Variants in KIAA1217 observed in about 807,000 individuals in gnomAD.
KIAA1217 encodes sickle tail protein homolog.
A neutral mutation model predicts 163.9 loss-of-function variants in KIAA1217; 88 were observed. The ratio of observed to expected loss-of-function variants is 0.54; its 90% CI spans 0.45 to 0.64. The LOEUF (loss-of-function observed/expected upper bound fraction) is 0.64. Ranked by LOEUF, KIAA1217 falls within the 30% of genes least tolerant of loss-of-function variation. The probability of loss-of-function intolerance (pLI) is 0.00; values close to 1 mark genes in which losing one functional copy is unlikely to be tolerated. For missense variants in KIAA1217, 2,372 were observed against 2,475.0 expected (o/e 0.96, Z 0.88); for synonymous variants, 903 against 923.1 (o/e 0.98, Z 0.39).
At chr10:24,244,542 T>C (rs2131358203) in intron 2 of KIAA1217, among the ~76,000 whole-genome samples, 1 of 150,418 alleles carries the variant, frequency 6.6e-6, no homozygotes, top group South Asian at 2.1e-4. Context: ...TTAATTGGGC[T>C]TCCCTCTTTT....
At chr10:24,034,436 G>A (rs1012256635) in intron 2 of KIAA1217, among the ~76,000 whole-genome samples, 1 of 151,880 alleles carries the variant, frequency 6.6e-6, no homozygotes, top group Admixed American at 6.6e-5. Flanking sequence ...GGTGGCACAT[G>A]CCTGTGGTCC....
intron 3 of KIAA1217, among the ~76,000 whole-genome samples, chr10:24,431,836 C>A (rs917739137): frequency 6.6e-6 from 1 of 152,138 alleles, no homozygotes; most frequent in Non-Finnish European, 1.5e-5. Context: ...GCCCACATAC[C>A]CCCTGGGAAC....
Position 23,988,030 on chromosome 10 carries a change from G to GT in KIAA1217, c.-320-19188dup, listed in dbSNP as rs1473467409. On this transcript the variant is annotated intron_variant, in intron 1 of 18. Transcript: ENST00000376462. ...ATTTAAACTGTGAATATTTAAAAGT[G>GT]TTTTTTTATTTTTATTTTTTTTTAA... Among the ~76,000 whole-genome samples, 4 of 150,250 alleles carry GT rather than the reference G, an allele frequency of 2.7e-5. No individual in the cohort carries two copies. In the South Asian group the frequency reaches 6.4e-4, roughly 24 times the overall value.
chr10:23,739,775 T>G (rs951226714), intron 1 of KIAA1217, among the ~76,000 whole-genome samples: 2 of 152,204 alleles, frequency 1.3e-5, no homozygotes, highest in Non-Finnish European at 2.9e-5. Context: ...TGAGAGATCC[T>G]GTGGATCTCA....
chr10:24,177,859 C>G (rs1194366754), intron 2 of KIAA1217, among the ~76,000 whole-genome samples: 1 of 152,062 alleles, frequency 6.6e-6, no homozygotes, highest in East Asian at 1.9e-4. Flanking sequence ...AAAGTGATAC[C>G]ATATGTTGGT....
chr10:24,104,329 A>C (rs2062537244), intron 2 of KIAA1217, among the ~76,000 whole-genome samples: 1 of 152,232 alleles, frequency 6.6e-6, no homozygotes, highest in African/African-American at 2.4e-5. Flanking sequence ...ACCATCACTC[A>C]GCACTAAAAA....
At chr10:23,767,330 T>C (rs1268692130) in intron 1 of KIAA1217, among the ~76,000 whole-genome samples, 3 of 152,122 alleles carry the variant, frequency 2.0e-5, no homozygotes, top group Non-Finnish European at 4.4e-5. Context: ...GATATCAATG[T>C]GGAGAAAGAA....
intron 2 of KIAA1217, among the ~76,000 whole-genome samples, chr10:24,310,213 C>T (rs180930869): frequency 2.6e-5 from 4 of 152,324 alleles, no homozygotes; most frequent in African/African-American, 4.8e-5. Context: ...ACAGGAAGAA[C>T]GGCCACTAGC....
chr10:23,787,365 G>A (rs148177959), intron 1 of KIAA1217, among the ~76,000 whole-genome samples: 157 of 152,170 alleles, frequency 1.0e-3, no homozygotes, highest in Non-Finnish European at 1.8e-3. Flanking sequence ...GGTATATAAC[G>A]GTACAGAAGC....
chr10:24,374,899 C>T (rs1302010088), intron 2 of KIAA1217, among the ~76,000 whole-genome samples: 2 of 152,196 alleles, frequency 1.3e-5, no homozygotes, highest in South Asian at 2.1e-4. Flanking sequence ...ATCCTCCTGC[C>T]TCAGCCTCCC....
At position 24,025,339 on chromosome 10, in the gene KIAA1217, A is replaced by G. The variant is rs1196096389; in HGVS notation, c.-171+17965A>G. Among the ~76,000 whole-genome samples, 5 of 151,740 alleles carry G rather than the reference A, an allele frequency of 3.3e-5. No homozygotes were observed. The South Asian group carries it at 8.3e-4, about 25-fold the overall frequency. ...CAATTGACCACATATGTGTGGGTCT[A>G]TATCTGGAATTTCTACTGTGGCCCA... On this transcript the variant is annotated intron_variant, in intron 2 of 18. Transcript: ENST00000376462.
At chr10:24,387,195 G>A (rs182551829) in intron 3 of KIAA1217, among the ~76,000 whole-genome samples, 1 of 152,172 alleles carries the variant, frequency 6.6e-6, no homozygotes, top group Non-Finnish European at 1.5e-5. Context: ...ACATCAAAAG[G>A]CTTATCCACC....
chr10:24,434,633 G>T (rs2059881790), intron 4 of KIAA1217, among the ~76,000 whole-genome samples: 1 of 152,218 alleles, frequency 6.6e-6, no homozygotes, highest in South Asian at 2.1e-4. Flanking sequence ...ACCACACCTG[G>T]CTCAAAAGCA....
chr10:24,020,876 G>C (rs1336260321), intron 2 of KIAA1217, among the ~76,000 whole-genome samples: 3 of 151,924 alleles, frequency 2.0e-5, no homozygotes, highest in African/African-American at 7.2e-5. Context: ...AACCTTGGGG[G>C]AAAAAGTAAA....
At chr10:23,923,813 G>GT (rs1263517516) in intron 1 of KIAA1217, among the ~76,000 whole-genome samples, 1 of 151,976 alleles carries the variant, frequency 6.6e-6, no homozygotes, top group Non-Finnish European at 1.5e-5. Context: ...GTTTGTTTTT[G>GT]TTTTTTAAAT....
chr10:24,137,544 CGTTT>C lies in KIAA1217; in HGVS notation c.-170-82080_-170-82077del, dbSNP rs1214077554. ...CACTAATGTGGGCCAAGAATCAAAA[CGTTT>C]GCCCAGACTTTGTTTTAAATTGTTG... On this transcript the variant is annotated intron_variant, in intron 2 of 18. Transcript: ENST00000376462. 4.6e-5 allele frequency among the ~76,000 whole-genome samples: 7 copies of C among 152,292 alleles called. No individual in the cohort carries two copies. In the East Asian group the frequency reaches 1.3e-3, roughly 29 times the overall value.
intron 6 of KIAA1217, among the ~76,000 whole-genome samples, chr10:24,480,789 G>C (rs551220791): frequency 6.6e-6 from 1 of 152,156 alleles, no homozygotes; most frequent in African/African-American, 2.4e-5. Flanking sequence ...GGTGAGCAAG[G>C]GTGAGAGAAT....
intron 1 of KIAA1217, among the ~76,000 whole-genome samples, chr10:23,702,496 A>C (rs370332063): frequency 1.3e-3 from 202 of 152,288 alleles, no homozygotes; most frequent in African/African-American, 4.8e-3. Flanking sequence ...ATGGCTGAGC[A>C]TTCAAAAATA....
intron 8 of KIAA1217, among the ~76,000 whole-genome samples, chr10:24,496,992 C>T (rs1045829278): frequency 5.9e-5 from 9 of 152,230 alleles, no homozygotes; most frequent in South Asian, 2.1e-4. Context: ...GCAATGAGCA[C>T]GTGGACTCAC....
Sources: allele counts gnomAD v4.1 joint callset (sites outside exome capture counted in the v4.1 genomes callset), GRCh38; gene constraint gnomAD v4.1.1; transcripts MANE v1.5; gene names NCBI Gene and HGNC (gene_info 2026-07-23, HGNC 2026-07-21).